The following AK2 variants were observed in gnomAD, a reference collection of about 807,000 sequenced individuals.
AK2 encodes adenylate kinase 2, mitochondrial.
AK2 carries 15 observed loss-of-function variants against 24.6 expected under a neutral mutation model. The observed-to-expected ratio is 0.61, with a 90% CI of 0.41 to 0.94. The LOEUF is 0.94. AK2 is among the 40% of genes least tolerant of loss of function. The probability of loss-of-function intolerance (pLI) is 0.00; values close to 1 mark genes in which losing one functional copy is unlikely to be tolerated. For synonymous variants in AK2, 102 were observed against 114.0 expected, an observed-to-expected ratio of 0.90 and a Z score of 0.67; for missense variants, 257 against 304.1, an observed-to-expected ratio of 0.85 and a Z score of 1.15.
intron 5 of AK2, 65 bp downstream of exon 5, chr1:33,014,457 A>C: frequency 2.3e-6 from 3 of 1,315,294 alleles, no homozygotes; most frequent in Non-Finnish European, 3.3e-6. Context: ...GAATAAAGGA[A>C]AAAGAAAAAC....
rs1245109873 is a variant in AK2 at position 33,009,093 on chromosome 1, G to C, written c.*4088C>G. 2 of 453,772 alleles carry C rather than the reference G, an allele frequency of 4.4e-6. No individual in the cohort carries two copies. Among genetic ancestry groups the C allele is most frequent in the Non-Finnish European group, 8.8e-6 (2 of 226,610 alleles). 28.1% of individuals were successfully genotyped at this position (453,772 alleles called of 1,614,324 possible). On this transcript the variant is annotated 3_prime_UTR_variant, in exon 6 of 6. Coordinates refer to ENST00000672715, the MANE Select transcript of AK2 (RefSeq NM_001625.4). ...TCTGCACAGGTGAGGAAGTGGAGCA[G>C]AAGAGGGAGGGGCTGGTTCAGGGAA... is the stretch of plus-strand genomic sequence containing the variant.
intron 2 of AK2, among the ~76,000 whole-genome samples, chr1:33,023,581 A>G (rs921500770): frequency 2.6e-5 from 4 of 151,984 alleles, no homozygotes; most frequent in Admixed American, 1.3e-4. Context: ...AACAAAAAAA[A>G]AGAGAGAAAA....
At chr1:33,023,236 G>T (rs540647303) in intron 2 of AK2, among the ~76,000 whole-genome samples, 1 of 152,280 alleles carries the variant, frequency 6.6e-6, no homozygotes, top group African/African-American at 2.4e-5. Flanking sequence ...ATAATAGATT[G>T]TATTTGTCCA....
intron 1 of AK2, among the ~76,000 whole-genome samples, chr1:33,029,060 C>CT (rs776275276): frequency 1.6e-4 from 24 of 152,318 alleles, no homozygotes; most frequent in Non-Finnish European, 3.5e-4. Flanking sequence ...AAAACAGTGT[C>CT]TATCTGCTGA....
At chr1:33,019,960 C>G in intron 4 of AK2, 1 of 1,422,000 alleles carries the variant, frequency 7.0e-7, no homozygotes, top group Non-Finnish European at 9.1e-7. Context: ...ATTAAAATGA[C>G]AAAGACATAA....
rs946339658 is a variant in AK2 at position 33,011,464 on chromosome 1, G to C, written c.*1717C>G. Reference sequence around the variant, plus strand: ...GACACTCACTTGGACCAGGCAAAGAGGGAAGCAAGGTGGCCAGGTACTCAT... The same window carrying C: ...GACACTCACTTGGACCAGGCAAAGACGGAAGCAAGGTGGCCAGGTACTCAT... On this transcript the variant is annotated 3_prime_UTR_variant, in exon 6 of 6. Coordinates refer to ENST00000672715, the MANE Select transcript of AK2 (RefSeq NM_001625.4). The C allele has an allele frequency of 3.1e-6, 4 of 1,287,280 alleles. No homozygotes were observed. Among genetic ancestry groups the C allele is most frequent in the South Asian group, 1.2e-5 (1 of 80,946 alleles). The allele number at this position is 1,287,280 out of a possible 1,614,324, so 79.7% of individuals were successfully genotyped here.
Position 33,009,351 on chromosome 1 carries a change from G to C in AK2, c.*3830C>G, listed in dbSNP as rs1204384069. The stretch of plus-strand genomic sequence containing the variant: ...AATTTAAACTAGGACACACAGAGAA[G>C]CAACAAAGAGTGTTAAAGAAGCAAC... On this transcript the variant is annotated 3_prime_UTR_variant, in exon 6 of 6. Coordinates refer to ENST00000672715, the MANE Select transcript of AK2 (RefSeq NM_001625.4). 1 of 453,998 alleles carries C rather than the reference G, an allele frequency of 2.2e-6. No homozygotes were observed. Among genetic ancestry groups the C allele is most frequent in the African/African-American group, 2.0e-5 (1 of 50,006 alleles). 28.1% of individuals were successfully genotyped at this position (453,998 alleles called of 1,614,324 possible).
Position 33,009,519 on chromosome 1 carries a change from A to G in AK2, c.*3662T>C, listed in dbSNP as rs945999210. On this transcript the variant is annotated 3_prime_UTR_variant, in exon 6 of 6. Coordinates refer to ENST00000672715, the MANE Select transcript of AK2 (RefSeq NM_001625.4). ...ATCTGGATCCAACTAACATTTATCC[A>G]ATGTCTGTTGCATGCCAGGTACTGA... 6.6e-6 allele frequency: 3 copies of G among 453,992 alleles called. No homozygotes were observed. Among genetic ancestry groups the G allele is most frequent in the African/African-American group, 6.0e-5 (3 of 50,002 alleles). The allele number at this position is 453,992 out of a possible 1,614,324, so 28.1% of individuals were successfully genotyped here. A position where few individuals can be genotyped will look rare whatever the true frequency, so the allele number is the denominator to read the frequency against.
chr1:33,026,723 G>A (rs1569691962), intron 1 of AK2, among the ~76,000 whole-genome samples: 2 of 152,068 alleles, frequency 1.3e-5, no homozygotes, highest in East Asian at 1.9e-4. Context: ...CAGGGGAATC[G>A]CTTGAACCCA....
At position 33,012,672 on chromosome 1, in the gene AK2, G is replaced by A; in HGVS notation, c.*509C>T. 7.9e-7 allele frequency: 1 copy of A among 1,263,426 alleles called. No homozygotes were observed. Among genetic ancestry groups the A allele is most frequent in the Non-Finnish European group, 1.0e-6 (1 of 967,142 alleles). 78.3% of individuals were successfully genotyped at this position (1,263,426 alleles called of 1,614,324 possible). A position where few individuals can be genotyped will look rare whatever the true frequency, so the allele number is the denominator to read the frequency against. On this transcript the variant is annotated 3_prime_UTR_variant, in exon 6 of 6. Transcript: ENST00000672715. ...GGCACTTCAGGAGGCCAAGGTGGGT[G>A]GATTGCTTAAGCCTAGGAGTTCAAG...
rs71833811 is a variant in AK2, at chr1:33,034,449, T to TACACAC, written c.93+2281_93+2286dup. Among the ~76,000 whole-genome samples the TACACAC allele has an allele frequency of 8.6e-3, 1,218 of 141,970 alleles. 15 individuals are homozygous for TACACAC. Among genetic ancestry groups the TACACAC allele is most frequent in the African/African-American group, 0.019 (734 of 38,274 alleles). 93.1% of individuals were successfully genotyped at this position (141,970 alleles called of 152,430 possible). A position where few individuals can be genotyped will look rare whatever the true frequency, so the allele number is the denominator to read the frequency against. The stretch of plus-strand genomic sequence containing the variant: ...TGTCATCTAGGTTGTGGGTGCTTGA[T>TACACAC]ACACACACACACACACACACACACA... On this transcript the variant is annotated intron_variant, in intron 1 of 5. Coordinates refer to ENST00000672715, the MANE Select transcript of AK2 (RefSeq NM_001625.4).
At chr1:33,027,359 T>TA (rs1473262882) in intron 1 of AK2, among the ~76,000 whole-genome samples, 2 of 152,206 alleles carry the variant, frequency 1.3e-5, no homozygotes, top group East Asian at 3.8e-4. Context: ...GTTCTATTTT[T>TA]ATCACTCCCA....
intron 1 of AK2, among the ~76,000 whole-genome samples, chr1:33,027,466 G>C (rs1328635566): frequency 6.6e-6 from 1 of 152,190 alleles, no homozygotes; most frequent in African/African-American, 2.4e-5. Context: ...TCCTGGCTGG[G>C]TATGGTGGCT....
Position 33,008,778 on chromosome 1 carries a change from T to C in AK2, c.*4403A>G. On this transcript the variant is annotated 3_prime_UTR_variant, in exon 6 of 6. Transcript: ENST00000672715. ...TTACATGAAGCCTTTGCATAATACC[T>C]GGCACAACGTCAGTCTTCCGGGAGT... The C allele has an allele frequency of 2.2e-6, 1 of 454,116 alleles. No individual in the cohort carries two copies. Among genetic ancestry groups the C allele is most frequent in the Non-Finnish European group, 4.4e-6 (1 of 226,794 alleles). 28.1% of individuals were successfully genotyped at this position (454,116 alleles called of 1,614,324 possible). A position where few individuals can be genotyped will look rare whatever the true frequency, so the allele number is the denominator to read the frequency against.
At position 33,013,109 on chromosome 1, in the gene AK2, C is replaced by T; in HGVS notation, c.*72G>A. 6.2e-7 allele frequency: 1 copy of T among 1,613,218 alleles called. No homozygotes were observed. Among genetic ancestry groups the T allele is most frequent in the Non-Finnish European group, 8.5e-7 (1 of 1,180,024 alleles). The stretch of plus-strand genomic sequence containing the variant: ...TATTTTTGCTAGCCTGAGGAAGCTT[C>T]TCTTTGCCTGTCCTATCATTCCCAC... On this transcript the variant is annotated 3_prime_UTR_variant, in exon 6 of 6. Coordinates refer to ENST00000672715, the MANE Select transcript of AK2 (RefSeq NM_001625.4).
rs1004010337 is a variant in AK2 at position 33,008,036 on chromosome 1, C to G, written c.*5145G>C. On this transcript the variant is annotated 3_prime_UTR_variant, in exon 6 of 6. Transcript: ENST00000672715. ...TAGACTATTATTAATTATGAAAACACATAAAGAATTCTGCATATAATTTCA... is the reference window on the plus strand; with the variant it reads ...TAGACTATTATTAATTATGAAAACAGATAAAGAATTCTGCATATAATTTCA... 4.4e-6 allele frequency: 2 copies of G among 454,156 alleles called. No individual in the cohort carries two copies. Among genetic ancestry groups the G allele is most frequent in the Admixed American group, 2.3e-5 (1 of 42,582 alleles). The allele number at this position is 454,156 out of a possible 1,614,324, so 28.1% of individuals were successfully genotyped here.
rs1164598375 is a variant in AK2, at chr1:33,014,563, G to C, written c.457C>G (p.His153Asp). 1 of 1,612,380 alleles carries C rather than the reference G, an allele frequency of 6.2e-7. No homozygotes were observed. Among genetic ancestry groups the C allele is most frequent in the Non-Finnish European group, 8.5e-7 (1 of 1,178,920 alleles). The change falls in exon 5 of 6, where the codon CAC (histidine) becomes GAC (aspartate). Residue 153 changes from histidine to aspartate, a missense_variant. Transcript: ENST00000672715. Reference sequence around the variant, plus strand: ...TCTTTTGGAGGGTTGAACTCCTCGTGGTAGGAACGGCCACTCTTGGGGTGA... The same window carrying C: ...TCTTTTGGAGGGTTGAACTCCTCGTCGTAGGAACGGCCACTCTTGGGGTGA... ...LIHPKSGRSY[H>D]EEFNPPKEPM...
chr1:33,024,636 T>C, intron 1 of AK2, 69 bp from the exon 2 acceptor site: 1 of 1,599,366 alleles, frequency 6.3e-7, no homozygotes. Context: ...TGCCTAGGTG[T>C]GAACCTGGCC....
chr1:33,036,660 A>T, intron 1 of AK2, 76 bp downstream of exon 1: 1 of 1,380,060 alleles, frequency 7.2e-7, no homozygotes, highest in Non-Finnish European at 1.0e-6. Flanking sequence ...GGGCAGGTCC[A>T]GGGCTTCTAG....
Sources: allele counts gnomAD v4.1 joint callset (sites outside exome capture counted in the v4.1 genomes callset), GRCh38; gene constraint gnomAD v4.1.1; transcripts MANE v1.5; gene names NCBI Gene and HGNC (gene_info 2026-07-23, HGNC 2026-07-21).